KRT6B: variants seen among roughly 807,000 people sequenced by gnomAD.
The protein encoded by KRT6B is keratin, type II cytoskeletal 6B.
In KRT6B, 29 loss-of-function variants were observed where a neutral mutation model predicts 44.7. The ratio of observed to expected loss-of-function variants is 0.65; its 90% confidence interval spans 0.48 to 0.88. KRT6B has a LOEUF of 0.88. Among genes scored for constraint, KRT6B ranks in the 40% least tolerant of loss-of-function variants. The pLI is 0.00. For missense variants in KRT6B, 600 were observed against 724.0 expected, an observed-to-expected ratio of 0.83 and a Z score of 1.97; for synonymous variants, 213 against 296.0, an observed-to-expected ratio of 0.72 and a Z score of 2.88.
At chr12:52,449,100 AT>A in intron 5 of KRT6B, 133 bp from the exon 6 acceptor site, 1 of 1,480,314 alleles carries the variant, frequency 6.8e-7, no homozygotes, top group Non-Finnish European at 9.3e-7. Context: ...GGAAAAGTTG[AT>A]GTTATGTGGT....
chr12:52,449,281 C>A (rs1940359650), intron 5 of KRT6B, among the ~76,000 whole-genome samples, 188 bp downstream of exon 5: 1 of 152,200 alleles, frequency 6.6e-6, no homozygotes, highest in Non-Finnish European at 1.5e-5. Flanking sequence ...TTGCCTCCTG[C>A]ATTGGGTTGT....
At position 52,447,867 on chromosome 12, in the gene KRT6B, C is replaced by T; in HGVS notation, c.1335G>A (p.Leu445=). The T allele has an allele frequency of 6.2e-7, 1 of 1,614,158 alleles. No homozygotes were observed. The highest frequency in any genetic ancestry group is 1.1e-5 in the South Asian group (1 of 91,082). Residue 445 remains leucine (L), a synonymous_variant, in exon 7 of 9, where the codon CTG becomes CTA. Coordinates refer to ENST00000252252, the MANE Select transcript of KRT6B (RefSeq NM_005555.4). Reference sequence around the variant, plus strand: ...CGTTCATCAGCTCCTGGTACTCCTTCAGCAGCCGGGCCAGGTCCTGCTTGG... The same window carrying T: ...CGTTCATCAGCTCCTGGTACTCCTTTAGCAGCCGGGCCAGGTCCTGCTTGG... ...QKAKQDLARL[L]KEYQELMNVK...
At position 52,451,709 on chromosome 12, in the gene KRT6B, C is replaced by T; in HGVS notation, c.370G>A (p.Gly124Ser). The change falls in exon 1 of 9, where the codon GGC becomes AGC. Residue 124 changes from glycine to serine, a missense_variant. Gly to Ser is a moderately conservative substitution (Grantham distance 56). Around this residue, in one of 4 missense-constraint regions of KRT6B, gnomAD observed 12 missense variants for 93.3 expected, o/e 0.13. Transcript: ENST00000252252. Reference sequence around the variant, plus strand: ...GGGGGGCACACAGGGAAGCCAGGGCCCCCAAAGCCACCAGCAAGGCCGGCT... The same window carrying T: ...GGGGGGCACACAGGGAAGCCAGGGCTCCCAAAGCCACCAGCAAGGCCGGCT... The part of the protein sequence containing the change: ...GGAGLAGGFG[G>S]PGFPVCPPGG... 6.2e-7 allele frequency: 1 copy of T among 1,613,484 alleles called. No individual in the cohort carries two copies. The highest frequency in any genetic ancestry group is 1.7e-5 in the Admixed American group (1 of 60,026).
At chr12:52,450,316 A>G (rs990559716) in intron 2 of KRT6B, 90 bp downstream of exon 2, 21 of 1,508,868 alleles carry the variant, frequency 1.4e-5, no homozygotes, top group Non-Finnish European at 1.9e-5. Context: ...TTTCATTTCC[A>G]TGGACATGGG....
intron 4 of KRT6B, 49 bp downstream of exon 4, chr12:52,449,709 C>T (rs749910489): frequency 3.1e-6 from 5 of 1,614,138 alleles, no homozygotes; most frequent in Non-Finnish European, 4.2e-6. Flanking sequence ...CATCTTCTCC[C>T]CTTTGCAGAC....
intron 5 of KRT6B, among the ~76,000 whole-genome samples, chr12:52,449,222 C>T (rs903325811): frequency 2.0e-5 from 3 of 152,180 alleles, no homozygotes; most frequent in African/African-American, 4.8e-5. Context: ...AAGTCAGCAA[C>T]CAAGGTGAAG....
rs760989336 is a variant in KRT6B at position 52,447,121 on chromosome 12, C to T, written c.*69G>A. 26 of 1,597,944 alleles carry T rather than the reference C, an allele frequency of 1.6e-5. No homozygotes were observed. The highest frequency in any genetic ancestry group is 2.1e-5 in the Non-Finnish European group (25 of 1,171,282). ...CTGGAGGCCAGGGGAGGACAAGCAA[C>T]CTGAGGAGAGGGCTCTGCTGCCAGA... On this transcript the variant is annotated 3_prime_UTR_variant, in exon 9 of 9. Transcript: ENST00000252252.
rs954490591 is a variant in KRT6B, at chr12:52,447,229, GGT to G, written c.1654_1655del (p.Thr552HisfsTer52). The part of the protein sequence containing the change: ...VGGGSSTIKY[T>X]TTSSSSRKSY... ...TCTTCCTGCTGGAGGAGGAGGTGGTGGTGTACTTGATGGTGGAACTGCCGCCT... is the reference window on the plus strand; with the variant it reads ...TCTTCCTGCTGGAGGAGGAGGTGGTGGTACTTGATGGTGGAACTGCCGCCT... On this transcript the variant is annotated frameshift_variant, in exon 9 of 9. Transcript: ENST00000252252. LOFTEE classifies it high-confidence loss of function. 9.3e-6 allele frequency: 15 copies of G among 1,613,906 alleles called. No individual in the cohort carries two copies. In the African/African-American group the frequency reaches 2.0e-4, roughly 22 times the overall value.
intron 5 of KRT6B, among the ~76,000 whole-genome samples, chr12:52,449,232 G>A (rs1237667791): frequency 6.6e-6 from 1 of 152,206 alleles, no homozygotes; most frequent in African/African-American, 2.4e-5. Context: ...CCAAGGTGAA[G>A]CTAAAAGCAC....
At chr12:52,449,348 T>C in intron 5 of KRT6B, 121 bp downstream of exon 5, 1 of 1,409,628 alleles carries the variant, frequency 7.1e-7, no homozygotes, top group Non-Finnish European at 1.0e-6. Flanking sequence ...TAGTGCAGAG[T>C]GCATGTCCTG....
chr12:52,450,805 G>T (rs1431917364), intron 1 of KRT6B, among the ~76,000 whole-genome samples, 185 bp from the exon 2 acceptor site: 1 of 152,262 alleles, frequency 6.6e-6, no homozygotes, highest in Non-Finnish European at 1.5e-5. Context: ...TCTCACTAGA[G>T]AAATTGTCCC....
chr12:52,450,679 T>C, intron 1 of KRT6B, 59 bp from the exon 2 acceptor site: 3 of 1,613,318 alleles, frequency 1.9e-6, no homozygotes, highest in Non-Finnish European at 2.5e-6. Flanking sequence ...AAGTGTCTGG[T>C]ATCCAGTTTC....
chr12:52,447,004 A>T lies in KRT6B; in HGVS notation c.*186T>A. 1 of 676,062 alleles carries T rather than the reference A, an allele frequency of 1.5e-6. No homozygotes were observed. Among genetic ancestry groups the T allele is most frequent in the South Asian group, 2.0e-5 (1 of 51,110 alleles). The allele number at this position is 676,062 out of a possible 1,614,324, so 41.9% of individuals were successfully genotyped here. On this transcript the variant is annotated 3_prime_UTR_variant, in exon 9 of 9. Transcript: ENST00000252252. ...CATGTCTGAGTGCTGATAACTGTTGACTTGATGGTAAGCAACAGGAGCTCA... is the reference window on the plus strand; with the variant it reads ...CATGTCTGAGTGCTGATAACTGTTGTCTTGATGGTAAGCAACAGGAGCTCA...
At chr12:52,448,789 C>T in intron 6 of KRT6B, 53 bp downstream of exon 6, 1 of 1,613,922 alleles carries the variant, frequency 6.2e-7, no homozygotes, top group Non-Finnish European at 8.5e-7. Context: ...ACTACTGCCT[C>T]ATGACCTAAT....
intron 4 of KRT6B, 48 bp from the exon 5 acceptor site, chr12:52,449,681 G>C: frequency 6.2e-7 from 1 of 1,614,196 alleles, no homozygotes; most frequent in Non-Finnish European, 8.5e-7. Flanking sequence ...GACATTTACA[G>C]AGATGCCCAG....
chr12:52,450,039 T>C lies in KRT6B; in HGVS notation c.789A>G (p.Ala263=), dbSNP rs1337535556. Reference sequence around the variant, plus strand: ...TCTTCAGAGTCACAAATTCATTCTCTGCTGCTGTGCGCTTGTTGATTTCAT... The same window carrying C: ...TCTTCAGAGTCACAAATTCATTCTCCGCTGCTGTGCGCTTGTTGATTTCAT... ...YEDEINKRTA[A]ENEFVTLKKD... is the part of the protein sequence containing the mutation. The change falls in exon 3 of 9, where the codon GCA becomes GCG. Residue 263 remains alanine, a synonymous_variant. Coordinates refer to ENST00000252252, the MANE Select transcript of KRT6B (RefSeq NM_005555.4). 6.2e-7 allele frequency: 1 copy of C among 1,613,920 alleles called. No individual in the cohort carries two copies. Among genetic ancestry groups the C allele is most frequent in the African/African-American group, 1.3e-5 (1 of 74,938 alleles).
At chr12:52,448,800 A>T (rs568733370) in intron 6 of KRT6B, 42 bp downstream of exon 6, 12 of 1,604,502 alleles carry the variant, frequency 7.5e-6, no homozygotes, top group South Asian at 4.4e-5. Flanking sequence ...ATGACCTAAT[A>T]AAAAAAATGA....
intron 7 of KRT6B, 87 bp downstream of exon 7, chr12:52,447,691 C>G: frequency 2.5e-6 from 4 of 1,613,998 alleles, no homozygotes; most frequent in Non-Finnish European, 3.4e-6. Flanking sequence ...CAATTATGGC[C>G]TTGGGCAGTG....
intron 5 of KRT6B, 44 bp downstream of exon 5, chr12:52,449,425 G>T (rs375856328): frequency 9.9e-6 from 16 of 1,613,894 alleles, no homozygotes; most frequent in Non-Finnish European, 1.4e-5. Context: ...GGTATTCAGG[G>T]ATGGACACAA....
Sources: gnomAD v4.1 joint callset for allele counts (sites outside exome capture counted in the v4.1 genomes callset) on GRCh38, gnomAD v4.1.1 for gene constraint, gnomAD v4.1.1 regional missense constraint, MANE v1.5 for transcripts, NCBI Gene and HGNC (gene_info 2026-07-23, HGNC 2026-07-21) for gene names.